FAM107B: variants seen among roughly 807,000 people sequenced by gnomAD.
FAM107B encodes protein FAM107B.
Under a neutral mutation model 31.5 loss-of-function variants are expected in FAM107B, and 21 were observed. That is an observed-to-expected ratio of 0.67 (90% CI 0.47 to 0.96). The LOEUF (loss-of-function observed/expected upper bound fraction) is 0.96. Ranked by LOEUF, FAM107B falls within the 40% of genes least tolerant of loss-of-function variation. The pLI is 0.00. For missense variants in FAM107B, 452 were observed against 377.1 expected (o/e 1.20, Z -1.64); for synonymous variants, 157 against 141.5 (o/e 1.11, Z -0.78).
At chr10:14,553,984 G>T in intron 2 of FAM107B, 1 of 444,092 alleles carries the variant, frequency 2.3e-6, no homozygotes, top group Non-Finnish European at 3.0e-6. Flanking sequence ...TTCTGAGCCC[G>T]TTTTTCCTTG....
At chr10:14,753,772 T>C (rs1204672441) in intron 1 of FAM107B, among the ~76,000 whole-genome samples, 1 of 152,160 alleles carries the variant, frequency 6.6e-6, no homozygotes, top group Non-Finnish European at 1.5e-5. Flanking sequence ...GAAGAAAATA[T>C]GCTTAACATT....
At chr10:14,665,663 T>C (rs1015562325) in intron 2 of FAM107B, among the ~76,000 whole-genome samples, 2 of 152,186 alleles carry the variant, frequency 1.3e-5, no homozygotes, top group Admixed American at 1.3e-4. Context: ...TTTTCAAAGG[T>C]ATGATATGTA....
intron 1 of FAM107B, chr10:14,723,834 G>A: frequency 1.3e-6 from 1 of 756,538 alleles, no homozygotes; most frequent in Non-Finnish European, 2.4e-6. Flanking sequence ...ACATGACACT[G>A]ACATCAGCAG....
At chr10:14,561,608 C>T (rs1284039819) in intron 2 of FAM107B, among the ~76,000 whole-genome samples, 2 of 152,086 alleles carry the variant, frequency 1.3e-5, no homozygotes, top group South Asian at 2.1e-4. Context: ...AGGGCAAGGG[C>T]GAGAGGCCCC....
At chr10:14,691,646 C>A (rs1006484922) in intron 1 of FAM107B, among the ~76,000 whole-genome samples, 3 of 152,124 alleles carry the variant, frequency 2.0e-5, no homozygotes, top group Admixed American at 6.5e-5. Flanking sequence ...GTAATCCTAG[C>A]CCTTTGGGAG....
chr10:14,705,619 C>A (rs1024601376), intron 1 of FAM107B, among the ~76,000 whole-genome samples: 3 of 152,000 alleles, frequency 2.0e-5, no homozygotes, highest in Non-Finnish European at 4.4e-5. Context: ...CACAGAAAGA[C>A]AAATACTATA....
Position 14,570,233 on chromosome 10 carries a change from G to GGTGGGGGT in FAM107B, c.470-39719_470-39718insACCCCCAC, listed in dbSNP as rs768204428. On this transcript the variant is annotated intron_variant, in intron 2 of 4. Transcript: ENST00000181796. ...ACGTACCTACCAAAAAAATGTGGTG[G>GGTGGGGGT]GTGTGTGTGTGTGTGTGTGTGTGTG... Among the ~76,000 whole-genome samples, 15 of 140,426 alleles carry GGTGGGGGT rather than the reference G, an allele frequency of 1.1e-4. No individual in the cohort carries two copies. The East Asian group carries it at 2.8e-3, about 26-fold the overall frequency. The allele number at this position is 140,426 out of a possible 152,430, so 92.1% of individuals were successfully genotyped here.
chr10:14,541,852 G>A lies in FAM107B; in HGVS notation c.470-11337C>T, dbSNP rs554844399. 3.6e-3 allele frequency among the ~76,000 whole-genome samples: 554 copies of A among 152,250 alleles called. 1 individual carries two copies. Among genetic ancestry groups the A allele is most frequent in the Admixed American group, 6.6e-3 (101 of 15,306 alleles). On this transcript the variant is annotated intron_variant, in intron 2 of 4. Transcript: ENST00000181796. ...GAGCTAGGAGAAAGCTGGAGCTGCC[G>A]ACTCCTTGTGCCTCTGGCTGACCTC...
At chr10:14,769,396 C>T (rs1588769339) in intron 1 of FAM107B, among the ~76,000 whole-genome samples, 1 of 151,980 alleles carries the variant, frequency 6.6e-6, no homozygotes, top group East Asian at 1.9e-4. Context: ...TTTTTCTTTT[C>T]TTTTTTTAGA....
At chr10:14,760,637 AG>A (rs1415139098) in intron 1 of FAM107B, among the ~76,000 whole-genome samples, 4 of 152,196 alleles carry the variant, frequency 2.6e-5, no homozygotes, top group African/African-American at 4.8e-5. Flanking sequence ...CATCTGGTTG[AG>A]GTTTTTTCTG....
At chr10:14,732,013 C>T (rs372928459) in intron 1 of FAM107B, among the ~76,000 whole-genome samples, 2 of 152,120 alleles carry the variant, frequency 1.3e-5, no homozygotes, top group African/African-American at 2.4e-5. Context: ...CTGAGATGAC[C>T]GAACATCTGC....
chr10:14,698,921 C>G (rs1855329595), intron 1 of FAM107B, among the ~76,000 whole-genome samples: 1 of 152,140 alleles, frequency 6.6e-6, no homozygotes, highest in East Asian at 1.9e-4. Flanking sequence ...GTAGAATTAC[C>G]AGAAATGAGG....
chr10:14,567,929 C>T (rs1030763911), intron 2 of FAM107B, among the ~76,000 whole-genome samples: 1 of 152,142 alleles, frequency 6.6e-6, no homozygotes, highest in African/African-American at 2.4e-5. Flanking sequence ...CTGAACATCC[C>T]CATCCCAAAA....
chr10:14,579,819 C>G (rs1051529527), intron 2 of FAM107B, among the ~76,000 whole-genome samples: 7 of 151,738 alleles, frequency 4.6e-5, no homozygotes, highest in Admixed American at 3.9e-4. Context: ...GTCAGGAGTT[C>G]GAGACCAGCC....
At chr10:14,633,808 G>T (rs1853428379) in intron 2 of FAM107B, among the ~76,000 whole-genome samples, 1 of 152,058 alleles carries the variant, frequency 6.6e-6, no homozygotes, top group African/African-American at 2.4e-5. Context: ...ATAGACACCT[G>T]GTTTACAGAA....
chr10:14,686,074 G>A (rs1293381817), intron 1 of FAM107B, among the ~76,000 whole-genome samples: 6 of 152,136 alleles, frequency 3.9e-5, no homozygotes, highest in Admixed American at 6.5e-5. Context: ...CCCTTGACAC[G>A]TGGGGATTAT....
rs1287723096 is a variant in FAM107B at position 14,770,211 on chromosome 10, A to G, written c.411+4042T>C. Among the ~76,000 whole-genome samples the G allele has an allele frequency of 2.0e-5, 3 of 152,192 alleles. No homozygotes were observed. The East Asian group carries it at 5.8e-4, about 29-fold the overall frequency. Reference sequence around the variant, plus strand: ...TGCTATCCTCACATGGAGGAAGAGCATAATAACTACTGACTAAAAAAATAA... The same window carrying G: ...TGCTATCCTCACATGGAGGAAGAGCGTAATAACTACTGACTAAAAAAATAA... On this transcript the variant is annotated intron_variant, in intron 1 of 4. Transcript: ENST00000181796.
At chr10:14,573,279 A>G (rs1851347909) in intron 2 of FAM107B, among the ~76,000 whole-genome samples, 1 of 152,166 alleles carries the variant, frequency 6.6e-6, no homozygotes, top group Admixed American at 6.5e-5. Flanking sequence ...TGAATGGATT[A>G]ATGCTGTTAA....
rs868800703 is a variant in FAM107B at position 14,685,146 on chromosome 10, T to A, written c.412-17455A>T. Among the ~76,000 whole-genome samples, 530 of 144,668 alleles carry A rather than the reference T, an allele frequency of 3.7e-3. 3 individuals carry two copies. The highest frequency in any genetic ancestry group is 0.012 in the African/African-American group (459 of 38,258). 94.9% of individuals were successfully genotyped at this position (144,668 alleles called of 152,430 possible). On this transcript the variant is annotated intron_variant, in intron 1 of 4. Transcript: ENST00000181796. ...CCCAGCCAATAACATCCTTTTATTT[T>A]TTTTTTTTTTTTTTTTTTTTGAGAC...
Sources: gnomAD v4.1 joint callset for allele counts (sites outside exome capture counted in the v4.1 genomes callset) on GRCh38, gnomAD v4.1.1 for gene constraint, MANE v1.5 for transcripts, NCBI Gene and HGNC (gene_info 2026-07-23, HGNC 2026-07-21) for gene names.